CSMD1: variants seen among roughly 807,000 people sequenced by gnomAD.
CSMD1 encodes CUB and Sushi multiple domains 1, also known as CUB and sushi domain-containing protein 1.
CSMD1 carries 213 observed loss-of-function variants against 417.5 expected under a neutral mutation model. That is an observed-to-expected ratio of 0.51 (90% confidence interval 0.46 to 0.57). The LOEUF (loss-of-function observed/expected upper bound fraction) is 0.57, where lower values mean the gene tolerates loss of function less well. Ranked by LOEUF, CSMD1 falls within the 20% of genes least tolerant of loss-of-function variation. The probability of loss-of-function intolerance (pLI) is 0.00; values close to 1 mark genes in which losing one functional copy is unlikely to be tolerated. For missense variants in CSMD1, 6,923 were observed against 4,529.7 expected (o/e 1.53, Z -15.17); for synonymous variants, 2,862 against 1,736.8 (o/e 1.65, Z -16.11).
intron 5 of CSMD1, among the ~76,000 whole-genome samples, chr8:3,767,939 T>C (rs2129057909): frequency 6.6e-6 from 1 of 152,330 alleles, no homozygotes; most frequent in Middle Eastern, 3.4e-3. Flanking sequence ...TTTACATTAA[T>C]GATGTGAACA....
chr8:4,032,136 TAAA>T (rs1325935721), intron 3 of CSMD1, 37 bp from the exon 4 acceptor site: 1 of 1,527,754 alleles, frequency 6.5e-7, no homozygotes, highest in East Asian at 2.3e-5. Context: ...AAAAACAAGT[TAAA>T]TTTTCCATGG....
At chr8:3,166,810 A>G (rs1325582165) in intron 37 of CSMD1, among the ~76,000 whole-genome samples, 1 of 152,230 alleles carries the variant, frequency 6.6e-6, no homozygotes, top group Non-Finnish European at 1.5e-5. Context: ...AAACGTAACT[A>G]TGATAGGAAA....
At chr8:4,396,052 G>C (rs1233251664) in intron 3 of CSMD1, among the ~76,000 whole-genome samples, 1 of 152,160 alleles carries the variant, frequency 6.6e-6, no homozygotes, top group Non-Finnish European at 1.5e-5. Flanking sequence ...TAGCTATAAT[G>C]TTGGCATGCA....
intron 1 of CSMD1, among the ~76,000 whole-genome samples, chr8:4,811,388 T>G (rs182200960): frequency 6.9e-6 from 1 of 144,272 alleles, no homozygotes; most frequent in African/African-American, 2.5e-5. Context: ...TTAAAATTAG[T>G]TTTTTTTAAG....
At chr8:4,043,542 G>T (rs1797999078) in intron 3 of CSMD1, among the ~76,000 whole-genome samples, 1 of 152,100 alleles carries the variant, frequency 6.6e-6, no homozygotes. Flanking sequence ...AATGAGAAAA[G>T]ACAAATAGCT....
intron 2 of CSMD1, among the ~76,000 whole-genome samples, chr8:4,560,339 A>G (rs1380342477): frequency 6.6e-6 from 1 of 152,208 alleles, no homozygotes; most frequent in African/African-American, 2.4e-5. Flanking sequence ...GTGGTCTCCT[A>G]CATGTGTTGC....
At chr8:4,563,243 T>A (rs909384412) in intron 2 of CSMD1, among the ~76,000 whole-genome samples, 1 of 151,948 alleles carries the variant, frequency 6.6e-6, no homozygotes, top group Admixed American at 6.6e-5. Flanking sequence ...CTACTAAAAA[T>A]ACAAAAAATT....
At position 3,029,349 on chromosome 8, in the gene CSMD1, T is replaced by C. The variant is rs1810177114; in HGVS notation, c.7825A>G (p.Asn2609Asp). The change falls in exon 51 of 70, where the codon AAC becomes GAC. Residue 2609 changes from asparagine (N) to aspartate (D), a missense_variant. Physicochemically the swap from Asn to Asp is conservative, Grantham distance 23 (BLOSUM62 1). Coordinates refer to ENST00000635120, the MANE Select transcript of CSMD1 (RefSeq NM_033225.6). ...CAGCTTGGCCTCTCATCTCCTATGT[T>C]CCACGTCCCATTGGCCTGGCACCGC... is the stretch of plus-strand genomic sequence containing the variant. ...LLRCQANGTW[N>D]IGDERPSCRV... 1.2e-6 allele frequency: 2 copies of C among 1,610,638 alleles called. No homozygotes were observed. Among genetic ancestry groups the C allele is most frequent in the Non-Finnish European group, 8.5e-7 (1 of 1,179,290 alleles).
chr8:3,577,897 A>G (rs1800218280), intron 9 of CSMD1, among the ~76,000 whole-genome samples: 1 of 152,162 alleles, frequency 6.6e-6, no homozygotes, highest in South Asian at 2.1e-4. Context: ...CAACTACCGT[A>G]AGTTCAGCCG....
intron 18 of CSMD1, among the ~76,000 whole-genome samples, chr8:3,378,528 C>T (rs777566218): frequency 1.5e-4 from 23 of 152,136 alleles, no homozygotes; most frequent in Non-Finnish European, 2.8e-4. Context: ...ATTCCAGCAG[C>T]ACATCAAAAA....
intron 3 of CSMD1, among the ~76,000 whole-genome samples, chr8:4,146,430 C>G (rs1205669195): frequency 1.3e-5 from 2 of 150,298 alleles, no homozygotes; most frequent in African/African-American, 2.5e-5. Context: ...GACGTGTACC[C>G]AGGATGTGTC....
intron 3 of CSMD1, among the ~76,000 whole-genome samples, chr8:4,077,644 C>G (rs1312697551): frequency 6.6e-6 from 1 of 152,038 alleles, no homozygotes; most frequent in Non-Finnish European, 1.5e-5. Flanking sequence ...ACCCGGGTGA[C>G]AAAAGGGAGG....
intron 1 of CSMD1, among the ~76,000 whole-genome samples, chr8:4,723,787 T>TAA (rs57096241): frequency 0.11 from 14,890 of 131,250 alleles, 2,638 homozygotes; most frequent in African/African-American, 0.39. Flanking sequence ...CTTTCGAATG[T>TAA]AAAAAAAAAA....
chr8:4,169,362 G>C (rs1032388234), intron 3 of CSMD1, among the ~76,000 whole-genome samples: 6 of 151,982 alleles, frequency 3.9e-5, no homozygotes, highest in Non-Finnish European at 5.9e-5. Flanking sequence ...TGGCGACTGC[G>C]TTTTCCACTT....
At chr8:3,413,211 G>C (rs1812926108) in intron 12 of CSMD1, among the ~76,000 whole-genome samples, 1 of 152,286 alleles carries the variant, frequency 6.6e-6, no homozygotes, top group South Asian at 2.1e-4. Flanking sequence ...CTGCCTCTGT[G>C]ATACTAAAGT....
intron 3 of CSMD1, among the ~76,000 whole-genome samples, chr8:4,077,295 G>GGT (rs1554439869): frequency 1.1e-5 from 1 of 88,900 alleles, no homozygotes; most frequent in African/African-American, 4.3e-5. Context: ...ATATATATAT[G>GGT]TGTATATATA....
chr8:3,152,643 G>T (rs1411116290), intron 39 of CSMD1, among the ~76,000 whole-genome samples: 1 of 152,198 alleles, frequency 6.6e-6, no homozygotes, highest in Non-Finnish European at 1.5e-5. Context: ...CATTGTATAA[G>T]TTGAAAAATG....
intron 3 of CSMD1, among the ~76,000 whole-genome samples, chr8:4,419,042 A>G (rs1797104267): frequency 6.6e-6 from 1 of 152,146 alleles, no homozygotes; most frequent in Admixed American, 6.6e-5. Flanking sequence ...GTATATTTTA[A>G]CTTCCCACAA....
chr8:4,464,885 T>C (rs1197120765), intron 2 of CSMD1, among the ~76,000 whole-genome samples: 1 of 152,084 alleles, frequency 6.6e-6, no homozygotes, highest in Non-Finnish European at 1.5e-5. Context: ...TTTTTATTAG[T>C]TTTTATTAGT....
Sources: allele counts gnomAD v4.1 joint callset (sites outside exome capture counted in the v4.1 genomes callset), GRCh38; gene constraint gnomAD v4.1.1; transcripts MANE v1.5; gene names NCBI Gene and HGNC (gene_info 2026-07-23, HGNC 2026-07-21).